The following GPSM2 variants were observed in gnomAD, a reference collection of about 807,000 sequenced individuals.
The protein encoded by GPSM2 is G protein signaling modulator 2.
GPSM2 carries 58 observed loss-of-function variants against 78.4 expected under a neutral mutation model. The observed-to-expected ratio is 0.74, with a 90% CI of 0.60 to 0.92. GPSM2 has a LOEUF of 0.92. Among genes scored for constraint, GPSM2 ranks in the 40% least tolerant of loss-of-function variants. The pLI, the probability that GPSM2 is intolerant of heterozygous loss-of-function variation, is 0.00. For synonymous variants in GPSM2, 224 were observed against 280.2 expected (o/e 0.80, Z 2.00); for missense variants, 700 against 815.5 (o/e 0.86, Z 1.73).
At chr1:108,883,359 T>C (rs1308699244) in intron 1 of GPSM2, among the ~76,000 whole-genome samples, 3 of 152,168 alleles carry the variant, frequency 2.0e-5, no homozygotes, top group Non-Finnish European at 4.4e-5. Context: ...GGATGTTATA[T>C]AGAAGAGGAA....
At chr1:108,912,859 A>G (rs2101493245) in intron 10 of GPSM2, among the ~76,000 whole-genome samples, 1 of 140,672 alleles carries the variant, frequency 7.1e-6, no homozygotes, top group African/African-American at 2.6e-5. Context: ...AGCCTGGCCA[A>G]CATGGTGAAA....
intron 10 of GPSM2, among the ~76,000 whole-genome samples, chr1:108,904,598 C>T (rs561277866): frequency 1.3e-5 from 2 of 151,714 alleles, no homozygotes; most frequent in East Asian, 3.9e-4. Context: ...TGTGAAGGTG[C>T]CAAAATTTTA....
chr1:108,914,098 G>A (rs779114576), intron 10 of GPSM2, among the ~76,000 whole-genome samples: 1 of 152,200 alleles, frequency 6.6e-6, no homozygotes, highest in Non-Finnish European at 1.5e-5. Flanking sequence ...AGTAACCAGT[G>A]TTAGTTTCCA....
At position 108,897,405 on chromosome 1, in the gene GPSM2, A is replaced by G; in HGVS notation, c.279-87A>G. On this transcript the variant is annotated intron_variant, in intron 3 of 14. Transcript: ENST00000264126. ...AGCATGTCAGTTTGTCCTCTTGGAA[A>G]ACTGTACTCTGGCTACTTTATATTT... The G allele has an allele frequency of 2.2e-6, 3 of 1,339,364 alleles. No homozygotes were observed. In the Admixed American group the frequency reaches 6.0e-5, roughly 27 times the overall value. 83.0% of individuals were successfully genotyped at this position (1,339,364 alleles called of 1,614,324 possible). A position where few individuals can be genotyped will look rare whatever the true frequency, so the allele number is the denominator to read the frequency against.
At position 108,930,582 on chromosome 1, in the gene GPSM2, C is replaced by T. The variant is rs1651778822; in HGVS notation, c.*642C>T. ...AGACCAACCTGGGCAACATAGACCC[C>T]CGTGTCTATGAAAAATAAATCAGCA... is the stretch of plus-strand genomic sequence containing the variant. On this transcript the variant is annotated 3_prime_UTR_variant, in exon 15 of 15. Transcript: ENST00000264126. The T allele has an allele frequency of 6.6e-6, 1 of 150,450 alleles. No individual in the cohort carries two copies. Among genetic ancestry groups the T allele is most frequent in the African/African-American group, 2.5e-5 (1 of 40,458 alleles). The allele number at this position is 150,450 out of a possible 1,614,324, so 9.3% of individuals were successfully genotyped here.
intron 10 of GPSM2, among the ~76,000 whole-genome samples, chr1:108,910,891 A>T (rs1649684681): frequency 6.6e-6 from 1 of 152,164 alleles, no homozygotes; most frequent in Non-Finnish European, 1.5e-5. Context: ...AGTGGATTCA[A>T]CATTAGAAAA....
At position 108,898,722 on chromosome 1, in the gene GPSM2, A is replaced by G. The variant is rs989840809; in HGVS notation, c.638A>G (p.Tyr213Cys). ...TTTGGAAATCTTGGAAACACACATTACCTCCTTGGCAACTTCAGGGATGCA... is the reference window on the plus strand; with the variant it reads ...TTTGGAAATCTTGGAAACACACATTGCCTCCTTGGCAACTTCAGGGATGCA... ...RAFGNLGNTHYLLGNFRDAVI... is the reference protein window; with the variant it reads ...RAFGNLGNTHCLLGNFRDAVI... Residue 213 changes from tyrosine (Y) to cysteine (C), a missense_variant, in exon 6 of 15, where the codon TAC becomes TGC. By Grantham distance (194) the Tyr-to-Cys change is radical (BLOSUM62 -2). Coordinates refer to ENST00000264126, the MANE Select transcript of GPSM2 (RefSeq NM_013296.5). 1 of 1,613,878 alleles carries G rather than the reference A, an allele frequency of 6.2e-7. No individual in the cohort carries two copies. Among genetic ancestry groups the G allele is most frequent in the Non-Finnish European group, 8.5e-7 (1 of 1,179,808 alleles).
chr1:108,934,326 T>G lies in GPSM2; in HGVS notation c.*4386T>G. On this transcript the variant is annotated 3_prime_UTR_variant, in exon 15 of 15. Transcript: ENST00000264126. ...AAATTGGTTAGTGGGTTCCCGTAAG[T>G]GCCTGTAACAATAAAATTTCTTTTT... 1 of 232,530 alleles carries G rather than the reference T, an allele frequency of 4.3e-6. No homozygotes were observed. Among genetic ancestry groups the G allele is most frequent in the Non-Finnish European group, 8.5e-6 (1 of 118,262 alleles). The allele number at this position is 232,530 out of a possible 1,614,324, so 14.4% of individuals were successfully genotyped here.
chr1:108,884,497 C>A (rs188672295), intron 1 of GPSM2, among the ~76,000 whole-genome samples: 44 of 152,250 alleles, frequency 2.9e-4, no homozygotes, highest in Admixed American at 2.7e-3. Context: ...TCAGAAACAA[C>A]GTTCAGCAAA....
intron 10 of GPSM2, among the ~76,000 whole-genome samples, chr1:108,908,861 G>T (rs1430452631): frequency 6.8e-6 from 1 of 147,404 alleles, no homozygotes; most frequent in South Asian, 2.2e-4. Context: ...TTAATTATCC[G>T]TGCATGGTGG....
intron 2 of GPSM2, among the ~76,000 whole-genome samples, chr1:108,886,909 G>A (rs1276078789): frequency 2.0e-5 from 3 of 150,344 alleles, no homozygotes. Flanking sequence ...TTTTTTTGGA[G>A]ACAGTCTCAC....
intron 13 of GPSM2, among the ~76,000 whole-genome samples, chr1:108,922,945 T>C (rs1650837990): frequency 6.6e-6 from 1 of 152,076 alleles, no homozygotes; most frequent in Non-Finnish European, 1.5e-5. Flanking sequence ...TAGTGTGCAA[T>C]GATCGCGTTT....
intron 2 of GPSM2, among the ~76,000 whole-genome samples, chr1:108,894,017 C>G (rs1034492629): frequency 2.2e-4 from 34 of 151,822 alleles, no homozygotes; most frequent in Non-Finnish European, 2.5e-4. Context: ...GCGCTCCAGC[C>G]TGGGTGACAG....
intron 13 of GPSM2, among the ~76,000 whole-genome samples, chr1:108,922,816 T>C (rs537847509): frequency 3.9e-5 from 6 of 152,214 alleles, no homozygotes; most frequent in Admixed American, 3.3e-4. Flanking sequence ...CTAGTTTTCT[T>C]TGAAAAATCT....
chr1:108,895,561 T>A lies in GPSM2; in HGVS notation c.57-1303T>A, dbSNP rs143656626. On this transcript the variant is annotated intron_variant, in intron 2 of 14. Transcript: ENST00000264126. The stretch of plus-strand genomic sequence containing the variant: ...TCAGATCAGCAGTACCATTAGATTC[T>A]CATAGGAGTGCAAACCCTATTGTGA... Among the ~76,000 whole-genome samples, 16 of 152,232 alleles carry A rather than the reference T, an allele frequency of 1.1e-4. No homozygotes were observed. The East Asian group carries it at 2.7e-3, about 26-fold the overall frequency.
intron 11 of GPSM2, among the ~76,000 whole-genome samples, chr1:108,916,028 A>AC: frequency 6.9e-6 from 1 of 145,130 alleles, no homozygotes. Context: ...GATCACTTGA[A>AC]CCCCAGAGTT....
chr1:108,914,546 A>G, intron 11 of GPSM2, 138 bp downstream of exon 11: 1 of 669,384 alleles, frequency 1.5e-6, no homozygotes, highest in Non-Finnish European at 2.6e-6. Flanking sequence ...AAAAAAAGTC[A>G]GAAAAAGTAT....
chr1:108,889,804 C>T (rs1159097856), intron 2 of GPSM2, among the ~76,000 whole-genome samples: 1 of 152,168 alleles, frequency 6.6e-6, no homozygotes, highest in African/African-American at 2.4e-5. Context: ...AACCTCTCTG[C>T]TTAATACCTA....
chr1:108,923,877 G>A lies in GPSM2; in HGVS notation c.1601-123G>A, dbSNP rs1431137062. 8.3e-6 allele frequency: 6 copies of A among 725,202 alleles called. No individual in the cohort carries two copies. In the Admixed American group the frequency reaches 1.1e-4, roughly 13 times the overall value. The allele number at this position is 725,202 out of a possible 1,614,324, so 44.9% of individuals were successfully genotyped here. A position where few individuals can be genotyped will look rare whatever the true frequency, so the allele number is the denominator to read the frequency against. ...TCAGTGTCAGCGCTATAGCAGGAGGGCAGGGCGGGTCTTGGGACTGGCAAG... is the reference window on the plus strand; with the variant it reads ...TCAGTGTCAGCGCTATAGCAGGAGGACAGGGCGGGTCTTGGGACTGGCAAG... On this transcript the variant is annotated intron_variant, in intron 13 of 14. Transcript: ENST00000264126.
Sources: allele counts gnomAD v4.1 joint callset (sites outside exome capture counted in the v4.1 genomes callset), GRCh38; gene constraint gnomAD v4.1.1; transcripts MANE v1.5; gene names NCBI Gene and HGNC (gene_info 2026-07-23, HGNC 2026-07-21).